Variants in MAF observed in about 807,000 individuals in gnomAD.
MAF encodes MAF bZIP transcription factor.
Under a neutral mutation model 22.0 loss-of-function variants are expected in MAF, and 10 were observed. That is an observed-to-expected ratio of 0.45 (90% CI 0.28 to 0.77). The LOEUF (loss-of-function observed/expected upper bound fraction) is 0.77, where lower values mean the gene tolerates loss of function less well. MAF is among the 30% of genes least tolerant of loss of function. The probability of loss-of-function intolerance (pLI) is 0.12; values close to 1 mark genes in which losing one functional copy is unlikely to be tolerated. For synonymous variants in MAF, 337 were observed against 255.8 expected, an observed-to-expected ratio of 1.32 and a Z score of -3.03; for missense variants, 544 against 548.4, an observed-to-expected ratio of 0.99 and a Z score of 0.08.
chr16:79,383,698 G>C, the MAF span, among the ~76,000 whole-genome samples: 7 of 152,114 alleles, frequency 4.6e-5, no homozygotes, highest in Admixed American at 4.6e-4. Flanking sequence ...AGGTGTCACA[G>C]AACCCTGTGT....
At chr16:79,446,833 A>C in the MAF span, among the ~76,000 whole-genome samples, 1 of 152,098 alleles carries the variant, frequency 6.6e-6, no homozygotes, top group Non-Finnish European at 1.5e-5. Flanking sequence ...ACTTGAGCCA[A>C]GGAGTTTGAG....
the MAF span, among the ~76,000 whole-genome samples, chr16:79,320,274 G>C: frequency 1.3e-5 from 2 of 152,130 alleles, no homozygotes; most frequent in African/African-American, 2.4e-5. Context: ...ATAGATTATA[G>C]GGGAATAAGA....
the MAF span, among the ~76,000 whole-genome samples, chr16:79,416,480 G>A: frequency 7.1e-6 from 1 of 140,422 alleles, no homozygotes; most frequent in Non-Finnish European, 1.5e-5. Context: ...AAAGAAGGAA[G>A]TGGTTTATGG....
the MAF span, among the ~76,000 whole-genome samples, chr16:79,428,184 A>G: frequency 6.6e-6 from 1 of 151,508 alleles, no homozygotes; most frequent in Admixed American, 6.6e-5. Context: ...TCTAAGTGAA[A>G]TAGATGGAGT....
the MAF span, among the ~76,000 whole-genome samples, chr16:79,247,154 G>A: frequency 0.12 from 18,802 of 152,218 alleles, 1,417 homozygotes; most frequent in Middle Eastern, 0.2. Context: ...AGCTGCGAAT[G>A]AAAAGAATAA....
the MAF span, among the ~76,000 whole-genome samples, chr16:79,567,203 A>AGCT: frequency 6.6e-6 from 1 of 152,180 alleles, no homozygotes; most frequent in African/African-American, 2.4e-5. Flanking sequence ...TTGTAATCCC[A>AGCT]GCTACTTGGG....
chr16:79,265,449 A>T, the MAF span, among the ~76,000 whole-genome samples: 3 of 152,182 alleles, frequency 2.0e-5, no homozygotes, highest in African/African-American at 7.2e-5. Context: ...CTAAGGAAGA[A>T]ATAAGTACAG....
At chr16:79,227,156 C>A in the MAF span, among the ~76,000 whole-genome samples, 9 of 151,970 alleles carry the variant, frequency 5.9e-5, 1 homozygote, top group Non-Finnish European at 1.2e-4. Flanking sequence ...TGGTCTCAAC[C>A]CCATCTCTAC....
the MAF span, among the ~76,000 whole-genome samples, chr16:79,286,282 T>C: frequency 6.6e-6 from 1 of 152,196 alleles, no homozygotes; most frequent in Non-Finnish European, 1.5e-5. Flanking sequence ...CAAGTTTGGT[T>C]TGGAAAATGA....
chr16:79,521,795 G>C, the MAF span, among the ~76,000 whole-genome samples: 2 of 152,076 alleles, frequency 1.3e-5, no homozygotes. Context: ...ATTATAATGC[G>C]TGCTTTCTAT....
chr16:79,517,248 C>T, the MAF span, among the ~76,000 whole-genome samples: 26 of 152,294 alleles, frequency 1.7e-4, no homozygotes, highest in African/African-American at 6.0e-4. Flanking sequence ...CCAACCATTC[C>T]CACCTGGCTT....
the MAF span, among the ~76,000 whole-genome samples, chr16:79,568,541 AAACATGAGGTAAAAATT>A: frequency 6.6e-6 from 1 of 152,330 alleles, no homozygotes; most frequent in Admixed American, 6.5e-5. Context: ...CTGAGGCTAG[AAACATGAGGTAAAAATT>A]AAACATCAGG....
the MAF span, among the ~76,000 whole-genome samples, chr16:79,235,941 G>C: frequency 6.6e-6 from 1 of 151,900 alleles, no homozygotes; most frequent in African/African-American, 2.4e-5. Flanking sequence ...AGAATCCAGG[G>C]TGTCCTTCCC....
the MAF span, among the ~76,000 whole-genome samples, chr16:79,307,936 T>A: frequency 1.3e-5 from 2 of 152,248 alleles, no homozygotes; most frequent in Admixed American, 6.5e-5. Flanking sequence ...TCACTCATCT[T>A]TGACTGTCAT....
the MAF span, among the ~76,000 whole-genome samples, chr16:79,221,405 CTA>C: frequency 1.3e-5 from 2 of 152,122 alleles, no homozygotes; most frequent in Admixed American, 6.6e-5. Flanking sequence ...GTAAATCACT[CTA>C]TGTGTTCCCA....
chr16:79,211,976 G>C, the MAF span: 1 of 1,536,182 alleles, frequency 6.5e-7, no homozygotes. Flanking sequence ...GAATTCCTGG[G>C]GTAAAGTATC....
chr16:79,438,355 G>T, the MAF span, among the ~76,000 whole-genome samples: 1 of 152,192 alleles, frequency 6.6e-6, no homozygotes. Flanking sequence ...GGATTAGGTG[G>T]CTCTTAGGCT....
chr16:79,255,945 TTTATC>T, the MAF span, among the ~76,000 whole-genome samples: 17,496 of 140,432 alleles, frequency 0.12, 1,922 homozygotes, highest in African/African-American at 0.31. Context: ...GAGAGATGTC[TTTATC>T]TTTTCTTTTC....
chr16:79,502,702 AATATAAATATATATATATATATATATAT>A, the MAF span, among the ~76,000 whole-genome samples: 6 of 86,538 alleles, frequency 6.9e-5, no homozygotes, highest in African/African-American at 3.2e-4. Context: ...TATAAATATA[AATATAAATATATATATATATATATATAT>A]ATATATATAT....
Sources: gnomAD v4.1 joint callset for allele counts (sites outside exome capture counted in the v4.1 genomes callset) on GRCh38, gnomAD v4.1.1 for gene constraint, MANE v1.5 for transcripts, NCBI Gene and HGNC (gene_info 2026-07-23, HGNC 2026-07-21) for gene names.